The following NFATC3 variants were observed in gnomAD, a reference collection of about 807,000 sequenced individuals.
NFATC3 encodes nuclear factor of activated T-cells, cytoplasmic 3.
A neutral mutation model predicts 98.6 loss-of-function variants in NFATC3; 46 were observed. The ratio of observed to expected loss-of-function variants is 0.47; its 90% CI spans 0.37 to 0.60. The LOEUF is 0.60. Among genes scored for constraint, NFATC3 ranks in the 20% least tolerant of loss-of-function variants. The pLI is 0.00. For missense variants in NFATC3, 1,256 were observed against 1,295.5 expected (o/e 0.97, Z 0.47); for synonymous variants, 512 against 472.2 (o/e 1.08, Z -1.09).
intron 6 of NFATC3, 80 bp from the exon 7 acceptor site, chr16:68,181,395 G>A (rs1417365814): frequency 1.1e-5 from 10 of 934,440 alleles, no homozygotes; most frequent in African/African-American, 3.3e-5. Context: ...ATAAATTTGT[G>A]ATACTATCCA....
intron 3 of NFATC3, among the ~76,000 whole-genome samples, chr16:68,127,604 A>G (rs760293856): frequency 2.8e-4 from 42 of 151,524 alleles, no homozygotes; most frequent in Non-Finnish European, 2.5e-4. Context: ...GGGAAGATCA[A>G]TTGAACCTGG....
rs1598401772 is a variant in NFATC3, at chr16:68,123,262, ATAACT to A, written c.1238+145_1238+149del. On this transcript the variant is annotated intron_variant, in intron 2 of 9. Transcript: ENST00000346183. ...CTATTTTTAAAAAAAATTTTACCAAATAACTTAATGTTTATTTTCATTTGCATCTT... is the reference window on the plus strand; with the variant it reads ...CTATTTTTAAAAAAAATTTTACCAAATAATGTTTATTTTCATTTGCATCTT... 1.0e-5 allele frequency: 8 copies of A among 794,362 alleles called. No homozygotes were observed. The East Asian group carries it at 2.3e-4, about 23-fold the overall frequency. The allele number at this position is 794,362 out of a possible 1,614,324, so 49.2% of individuals were successfully genotyped here.
At chr16:68,134,075 T>A (rs549004489) in intron 3 of NFATC3, among the ~76,000 whole-genome samples, 1 of 152,228 alleles carries the variant, frequency 6.6e-6, no homozygotes, top group Non-Finnish European at 1.5e-5. Context: ...TAACTATTAT[T>A]GTAAAGATAT....
At chr16:68,214,371 C>T (rs765138351) in intron 9 of NFATC3, 2 of 1,614,188 alleles carry the variant, frequency 1.2e-6, no homozygotes, top group African/African-American at 1.3e-5. Context: ...TCAGGTTCAG[C>T]AGAGAAATGG....
At chr16:68,130,486 T>G (rs1047242723) in intron 3 of NFATC3, among the ~76,000 whole-genome samples, 11 of 152,168 alleles carry the variant, frequency 7.2e-5, no homozygotes, top group African/African-American at 2.4e-4. Flanking sequence ...CTTTGCCCAC[T>G]TTTTAGATTA....
At chr16:68,097,939 A>G (rs2035104448) in intron 1 of NFATC3, among the ~76,000 whole-genome samples, 1 of 152,106 alleles carries the variant, frequency 6.6e-6, no homozygotes, top group South Asian at 2.1e-4. Context: ...ATATAAGTGG[A>G]ATTGTAAAGC....
At chr16:68,154,880 A>T (rs1381087192) in intron 3 of NFATC3, among the ~76,000 whole-genome samples, 1 of 152,196 alleles carries the variant, frequency 6.6e-6, no homozygotes, top group African/African-American at 2.4e-5. Context: ...GAGGGAAGCC[A>T]TTAGAGAGTT....
chr16:68,210,602 C>A (rs1229517918), intron 9 of NFATC3, among the ~76,000 whole-genome samples: 4 of 150,660 alleles, frequency 2.7e-5, no homozygotes, highest in Non-Finnish European at 5.9e-5. Flanking sequence ...GTTTTTTTTT[C>A]TTTTGTTCAA....
At chr16:68,101,554 G>T (rs1256280084) in intron 1 of NFATC3, among the ~76,000 whole-genome samples, 1 of 151,800 alleles carries the variant, frequency 6.6e-6, no homozygotes, top group Non-Finnish European at 1.5e-5. Flanking sequence ...CGCGATCTCG[G>T]CTCACTGCAA....
intron 1 of NFATC3, among the ~76,000 whole-genome samples, chr16:68,090,382 T>G (rs1382900194): frequency 6.8e-6 from 1 of 146,900 alleles, no homozygotes; most frequent in African/African-American, 2.5e-5. Context: ...TCCTTCTCTT[T>G]GCTAGACCCT....
chr16:68,224,845 T>C (rs2041989600), intron 9 of NFATC3: 1 of 152,212 alleles, frequency 6.6e-6, no homozygotes, highest in East Asian at 1.9e-4. Flanking sequence ...TGTAATGAGA[T>C]ATAATTCACA....
intron 3 of NFATC3, among the ~76,000 whole-genome samples, chr16:68,139,285 A>G (rs2151536665): frequency 6.6e-6 from 1 of 152,300 alleles, no homozygotes; most frequent in Middle Eastern, 3.4e-3. Flanking sequence ...GTGAGGAGTA[A>G]ATGAAACATT....
At chr16:68,125,093 A>G (rs540284070) in intron 2 of NFATC3, among the ~76,000 whole-genome samples, 23 of 152,360 alleles carry the variant, frequency 1.5e-4, no homozygotes, top group African/African-American at 5.3e-4. Context: ...AAATAGAATT[A>G]TGGTAATGAA....
At chr16:68,208,283 C>T (rs569016705) in intron 9 of NFATC3, among the ~76,000 whole-genome samples, 32 of 152,244 alleles carry the variant, frequency 2.1e-4, no homozygotes, top group African/African-American at 7.2e-5. Flanking sequence ...GTGAGCCACC[C>T]GCCTTAGCCT....
chr16:68,201,377 A>G (rs1029764307), intron 9 of NFATC3, among the ~76,000 whole-genome samples: 1 of 152,038 alleles, frequency 6.6e-6, no homozygotes, highest in African/African-American at 2.4e-5. Flanking sequence ...GACTACAGGC[A>G]CACACCACAG....
Position 68,178,784 on chromosome 16 carries a change from T to C in NFATC3, c.1916-2691T>C, listed in dbSNP as rs139959840. Among the ~76,000 whole-genome samples the C allele has an allele frequency of 2.6e-5, 4 of 152,344 alleles. No individual in the cohort carries two copies. In the East Asian group the frequency reaches 5.8e-4, roughly 22 times the overall value. On this transcript the variant is annotated intron_variant, in intron 6 of 9. Coordinates refer to ENST00000346183, the MANE Select transcript of NFATC3 (RefSeq NM_173165.3). Reference sequence around the variant, plus strand: ...GCATGAATACAATTAATAGGTATTATTGAATTCATTTATTTGGCCCAGAGC... The same window carrying C: ...GCATGAATACAATTAATAGGTATTACTGAATTCATTTATTTGGCCCAGAGC...
intron 3 of NFATC3, among the ~76,000 whole-genome samples, chr16:68,145,798 G>A (rs976760227): frequency 2.0e-5 from 3 of 152,108 alleles, no homozygotes; most frequent in East Asian, 1.9e-4. Context: ...GGATAAAATT[G>A]CATAAAACTA....
At chr16:68,133,064 G>A (rs1263559144) in intron 3 of NFATC3, among the ~76,000 whole-genome samples, 2 of 152,020 alleles carry the variant, frequency 1.3e-5, no homozygotes, top group African/African-American at 2.4e-5. Flanking sequence ...TCAGGAGTTC[G>A]AGAACAGCCT....
Position 68,167,707 on chromosome 16 carries a change from A to G in NFATC3, c.1774+692A>G, listed in dbSNP as rs190682854. 1.7e-3 allele frequency among the ~76,000 whole-genome samples: 256 copies of G among 151,506 alleles called. 2 individuals are homozygous for G. In the Middle Eastern group the frequency reaches 0.031, roughly 18 times the overall value. ...GCACAAGTATCTCTAGTACTCATTC[A>G]AGGTTATTTGCTTTTTAGTGATAGA... is the stretch of plus-strand genomic sequence containing the variant. On this transcript the variant is annotated intron_variant, in intron 5 of 9. Coordinates refer to ENST00000346183, the MANE Select transcript of NFATC3 (RefSeq NM_173165.3).
Sources: gnomAD v4.1 joint callset for allele counts (sites outside exome capture counted in the v4.1 genomes callset) on GRCh38, gnomAD v4.1.1 for gene constraint, MANE v1.5 for transcripts, NCBI Gene and HGNC (gene_info 2026-07-23, HGNC 2026-07-21) for gene names.